Variants in AGR3 observed in about 807,000 individuals in gnomAD.
AGR3 encodes the protein anterior gradient 3, protein disulphide isomerase family member.
Under a neutral mutation model 24.5 loss-of-function variants are expected in AGR3, and 37 were observed. That is an observed-to-expected ratio of 1.51 (90% CI 1.16 to 1.99). The LOEUF (loss-of-function observed/expected upper bound fraction) is 1.99, where lower values mean the gene tolerates loss of function less well. AGR3 is among the 30% of genes most tolerant of loss of function. The pLI is 0.00. For missense variants in AGR3, 228 were observed against 191.1 expected (o/e 1.19, Z -1.14); for synonymous variants, 75 against 61.6 (o/e 1.22, Z -1.02).
intron 7 of AGR3, 42 bp downstream of exon 7, chr7:16,860,458 G>T (rs761975630): frequency 1.4e-6 from 2 of 1,429,632 alleles, no homozygotes; most frequent in African/African-American, 1.4e-5. Context: ...ATAGTCAGGG[G>T]TCAGCTATGA....
rs1196994276 is a variant in AGR3, at chr7:16,862,074, C to G, written c.227-14G>C. ...CTTTCTTTAGTGCTATAGGGGAAAACAAAATTGCCAGTTAGTTTTAAGGAT... is the reference window on the plus strand; with the variant it reads ...CTTTCTTTAGTGCTATAGGGGAAAAGAAAATTGCCAGTTAGTTTTAAGGAT... On this transcript the variant is annotated splice_polypyrimidine_tract_variant and intron_variant, in intron 4 of 7. Transcript: ENST00000310398. The G allele has an allele frequency of 6.3e-7, 1 of 1,590,614 alleles. No homozygotes were observed. Among genetic ancestry groups the G allele is most frequent in the South Asian group, 1.1e-5 (1 of 89,250 alleles).
At chr7:16,871,770 A>T (rs935449748) in intron 3 of AGR3, among the ~76,000 whole-genome samples, 3 of 152,134 alleles carry the variant, frequency 2.0e-5, no homozygotes, top group African/African-American at 7.2e-5. Context: ...GGAACCTGGG[A>T]GGCAGAGGTT....
intron 6 of AGR3, among the ~76,000 whole-genome samples, chr7:16,861,008 AAACCAATTTATAATCTAAAACAAAT>A (rs1562544257): frequency 4.5e-4 from 11 of 24,284 alleles, no homozygotes; most frequent in Non-Finnish European, 1.4e-3. Flanking sequence ...AACAAATGTC[AAACCAATTTATAATCTAAAACAAAT>A]GTCAAACCAA....
chr7:16,858,286 A>G (rs1368730910), downstream of AGR3, among the ~76,000 whole-genome samples: 1 of 151,994 alleles, frequency 6.6e-6, no homozygotes, highest in Non-Finnish European at 1.5e-5. Flanking sequence ...GAGCCACCGC[A>G]CCCAGCCTCT....
chr7:16,873,457 A>G (rs1340545394), intron 3 of AGR3: 1 of 205,094 alleles, frequency 4.9e-6, no homozygotes, highest in African/African-American at 2.3e-5. Context: ...CAGAGCTGGA[A>G]GGATAAGGAG....
At chr7:16,870,875 A>G (rs1384417561) in intron 3 of AGR3, among the ~76,000 whole-genome samples, 1 of 152,144 alleles carries the variant, frequency 6.6e-6, no homozygotes, top group African/African-American at 2.4e-5. Context: ...CTTGTCCAAT[A>G]TTGAAACAAT....
downstream of AGR3, among the ~76,000 whole-genome samples, chr7:16,859,248 A>G (rs898868285): frequency 5.3e-5 from 8 of 151,888 alleles, no homozygotes; most frequent in African/African-American, 1.9e-4. Flanking sequence ...AAAAATTTAG[A>G]AAATTAAAAA....
chr7:16,863,937 T>C (rs568031163), intron 3 of AGR3, among the ~76,000 whole-genome samples: 3 of 152,242 alleles, frequency 2.0e-5, no homozygotes, highest in African/African-American at 4.8e-5. Context: ...CAGCCCCCCA[T>C]AAAGTTTTTG....
chr7:16,878,471 A>C lies in AGR3; in HGVS notation c.109+39T>G, dbSNP rs189843796. On this transcript the variant is annotated intron_variant, in intron 2 of 7. Coordinates refer to ENST00000310398, the MANE Select transcript of AGR3 (RefSeq NM_176813.5). ...CACCAGATATTTTAAAAAGCAATCC[A>C]AATGACTGAGTTTAGAAAATAAAAT... is the stretch of plus-strand genomic sequence containing the variant. 2.1e-4 allele frequency: 321 copies of C among 1,565,052 alleles called. No homozygotes were observed. In the East Asian group the frequency reaches 6.4e-3, roughly 31 times the overall value.
At position 16,877,582 on chromosome 7, in the gene AGR3, G is replaced by A. The variant is rs530440175; in HGVS notation, c.109+928C>T. On this transcript the variant is annotated intron_variant, in intron 2 of 7. Coordinates refer to ENST00000310398, the MANE Select transcript of AGR3 (RefSeq NM_176813.5). The stretch of plus-strand genomic sequence containing the variant: ...AAACTAACTTTGAGAATATTTTCTT[G>A]GCCGGGCGCGGTGGCTCACGCCTGT... 8.1e-4 allele frequency among the ~76,000 whole-genome samples: 123 copies of A among 151,826 alleles called. No individual in the cohort carries two copies. The Middle Eastern group carries it at 0.01, about 13-fold the overall frequency.
At chr7:16,863,406 C>T (rs1309417662) in intron 3 of AGR3, among the ~76,000 whole-genome samples, 1 of 152,078 alleles carries the variant, frequency 6.6e-6, no homozygotes, top group Non-Finnish European at 1.5e-5. Flanking sequence ...ATACAAACAA[C>T]CTGAGTGGGA....
intron 3 of AGR3, among the ~76,000 whole-genome samples, chr7:16,873,095 CTGAG>C (rs754733450): frequency 5.9e-5 from 9 of 152,078 alleles, no homozygotes; most frequent in Non-Finnish European, 8.8e-5. Flanking sequence ...TTTCCTACTA[CTGAG>C]TATTTATTTA....
At chr7:16,865,383 T>C in intron 3 of AGR3, 1 of 1,078,640 alleles carries the variant, frequency 9.3e-7, no homozygotes, top group Non-Finnish European at 1.4e-6. Context: ...TCCTCCATTC[T>C]TGTTAGCCTC....
At chr7:16,865,828 C>T in intron 3 of AGR3, 1 of 745,142 alleles carries the variant, frequency 1.3e-6, no homozygotes, top group Admixed American at 1.8e-5. Context: ...GATTAATCCA[C>T]TCTTGTACTT....
At chr7:16,862,163 A>C (rs1781663485) in intron 4 of AGR3, 103 bp from the exon 5 acceptor site, 1 of 880,750 alleles carries the variant, frequency 1.1e-6, no homozygotes, top group Non-Finnish European at 1.8e-6. Flanking sequence ...TGCATATATA[A>C]CTCAGGTGTA....
At chr7:16,858,667 T>A (rs1781586063), downstream of AGR3, among the ~76,000 whole-genome samples, 1 of 152,030 alleles carries the variant, frequency 6.6e-6, no homozygotes, top group African/African-American at 2.4e-5. Context: ...GGTCAGGAGT[T>A]CGAGACCAGC....
chr7:16,855,715 C>T (rs1275622778), downstream of AGR3, among the ~76,000 whole-genome samples: 4 of 152,140 alleles, frequency 2.6e-5, no homozygotes, highest in Admixed American at 2.6e-4. Context: ...TAAGGAGGTT[C>T]ATGAATATAC....
At chr7:16,880,102 T>C (rs1320113527) in intron 1 of AGR3, among the ~76,000 whole-genome samples, 2 of 130,206 alleles carry the variant, frequency 1.5e-5, no homozygotes, top group Non-Finnish European at 3.3e-5. Flanking sequence ...CTTCCTTCCT[T>C]CCTTCTTTCC....
intron 2 of AGR3, among the ~76,000 whole-genome samples, chr7:16,878,044 T>A (rs1379074692): frequency 1.3e-5 from 2 of 152,134 alleles, no homozygotes; most frequent in Non-Finnish European, 2.9e-5. Flanking sequence ...TAGCAAAGAC[T>A]TAGTTACCCC....
Sources: allele counts gnomAD v4.1 joint callset (sites outside exome capture counted in the v4.1 genomes callset), GRCh38; gene constraint gnomAD v4.1.1; transcripts MANE v1.5; gene names NCBI Gene and HGNC (gene_info 2026-07-23, HGNC 2026-07-21).